Variants in SAMD9L observed in about 807,000 individuals in gnomAD.
The protein encoded by SAMD9L is sterile alpha motif domain-containing protein 9-like.
In SAMD9L, 68 loss-of-function variants were observed where a neutral mutation model predicts 90.7. That is an observed-to-expected ratio of 0.75 (90% CI 0.62 to 0.92). The LOEUF is 0.92. Ranked by LOEUF, SAMD9L falls within the 40% of genes least tolerant of loss-of-function variation. The pLI is 0.00. For missense variants in SAMD9L, 1,604 were observed against 1,824.3 expected (o/e 0.88, Z 2.20); for synonymous variants, 640 against 630.1 (o/e 1.02, Z -0.23).
intron 4 of SAMD9L, among the ~76,000 whole-genome samples, chr7:93,138,029 A>G (rs752944600): frequency 3.9e-5 from 6 of 152,162 alleles, no homozygotes; most frequent in Non-Finnish European, 8.8e-5. Context: ...TTGCCTTGGT[A>G]AAACTGTTCC....
At chr7:93,141,795 T>C (rs536551608) in intron 4 of SAMD9L, among the ~76,000 whole-genome samples, 2 of 152,346 alleles carry the variant, frequency 1.3e-5, no homozygotes, top group African/African-American at 4.8e-5. Context: ...AACCTGGTCC[T>C]GTTCAAAAGT....
rs1359810098 is a variant in SAMD9L at position 93,131,667 on chromosome 7, C to T, written c.4305G>A (p.Trp1435Ter). 2 of 1,613,756 alleles carry T rather than the reference C, an allele frequency of 1.2e-6. No individual in the cohort carries two copies. The highest frequency in any genetic ancestry group is 1.7e-6 in the Non-Finnish European group (2 of 1,179,840). Residue 1435 changes from tryptophan (W) to a stop codon, truncating the protein, a stop_gained, in exon 5 of 5, where the codon TGG (tryptophan) becomes TGA (stop). Coordinates refer to ENST00000318238, the MANE Select transcript of SAMD9L (RefSeq NM_152703.5). LOFTEE classifies it high-confidence loss of function. Reference protein sequence around the residue: ...GPYFLACLLFWPENQELDQDS... With the variant: ...GPYFLACLLF ...CTTGATCTAGCTCTTGATTTTCTGG[C>T]CAGAACAGGAGGCAGGCCAAGAAAT...
Position 93,135,246 on chromosome 7 carries a change from C to T in SAMD9L, c.726G>A (p.Lys242=). 1 of 1,614,080 alleles carries T rather than the reference C, an allele frequency of 6.2e-7. No individual in the cohort carries two copies. The part of the protein sequence containing the change: ...RTNGTIHFGV[K]DKPHGEIVGV... ...CAACAATTTCTCCATGGGGTTTGTC[C>T]TTGACTCCAAAATGGATGGTGCCAT... Residue 242 remains lysine (K), a synonymous_variant, in exon 5 of 5, where the codon AAG becomes AAA. Transcript: ENST00000318238.
At position 93,131,722 on chromosome 7, in the gene SAMD9L, A is replaced by G. The variant is rs1053884747; in HGVS notation, c.4250T>C (p.Val1417Ala). 6.2e-7 allele frequency: 1 copy of G among 1,613,976 alleles called. No homozygotes were observed. Among genetic ancestry groups the G allele is most frequent in the Non-Finnish European group, 8.5e-7 (1 of 1,179,880 alleles). ...ACCTGGATATTGATGACTTAGTCCTACAAATTGCAAGACCTCTCGGAGTTG... is the reference window on the plus strand; with the variant it reads ...ACCTGGATATTGATGACTTAGTCCTGCAAATTGCAAGACCTCTCGGAGTTG... Reference protein sequence around the residue: ...KKQLREVLQFVGLSHQYPGPY... With the variant: ...KKQLREVLQFAGLSHQYPGPY... The change falls in exon 5 of 5, where the codon GTA (valine) becomes GCA (alanine). Residue 1417 changes from valine to alanine, a missense_variant. Physicochemically the swap from Val to Ala is moderately conservative, Grantham distance 64. Around this residue, in one of 7 missense-constraint regions of SAMD9L, gnomAD observed 282 missense variants for 329.6 expected, o/e 0.86. Transcript: ENST00000318238.
chr7:93,132,771 A>C lies in SAMD9L; in HGVS notation c.3201T>G (p.Ile1067Met), dbSNP rs760367395. 9 of 1,613,594 alleles carry C rather than the reference A, an allele frequency of 5.6e-6. No homozygotes were observed. The African/African-American group carries it at 6.7e-5, about 12-fold the overall frequency. Residue 1067 changes from isoleucine (I) to methionine (M), a missense_variant, in exon 5 of 5, where the codon ATT becomes ATG. Physicochemically the swap from Ile to Met is conservative, Grantham distance 10. Around this residue, in one of 7 missense-constraint regions of SAMD9L, gnomAD observed 302 missense variants for 314.7 expected, o/e 0.96. Transcript: ENST00000318238. ...TACTTCCTGCACTCAAGACCTTTTC[A>C]ATGTCTTTATTCTGTAAAGCTTCCA... Reference protein sequence around the residue: ...PLMEALQNKDIEKVLSAGSRR... With the variant: ...PLMEALQNKDMEKVLSAGSRR...
Position 93,133,549 on chromosome 7 carries a change from T to A in SAMD9L, c.2423A>T (p.Gln808Leu). ...VLLLVDDFEE[Q>L]ENVYFLQNAI... ...ATTTTGTAGAAAGTAGACATTTTCT[T>A]GTTCTTCAAAATCATCCACAAGGAG... The change falls in exon 5 of 5, where the codon CAA (glutamine) becomes CTA (leucine). Residue 808 changes from glutamine (Q) to leucine (L), a missense_variant. By Grantham distance (113) the Gln-to-Leu change is moderately radical. Transcript: ENST00000318238. 1 of 1,613,826 alleles carries A rather than the reference T, an allele frequency of 6.2e-7. No homozygotes were observed. The highest frequency in any genetic ancestry group is 8.5e-7 in the Non-Finnish European group (1 of 1,179,844).
Position 93,132,780 on chromosome 7 carries a change from A to C in SAMD9L, c.3192T>G (p.Asn1064Lys), listed in dbSNP as rs753696406. The change falls in exon 5 of 5, where the codon AAT becomes AAG. Residue 1064 changes from asparagine (N) to lysine (K), a missense_variant. Around this residue, in one of 7 missense-constraint regions of SAMD9L, gnomAD observed 302 missense variants for 314.7 expected, o/e 0.96. Coordinates refer to ENST00000318238, the MANE Select transcript of SAMD9L (RefSeq NM_152703.5). ...LFSPLMEALQ[N>K]KDIEKVLSAG... is the part of the protein sequence containing the mutation. ...CACTCAAGACCTTTTCAATGTCTTT[A>C]TTCTGTAAAGCTTCCATTAATGGGG... 9.3e-6 allele frequency: 15 copies of C among 1,613,606 alleles called. No individual in the cohort carries two copies. Among genetic ancestry groups the C allele is most frequent in the Non-Finnish European group, 1.3e-5 (15 of 1,179,780 alleles).
rs1792859584 is a variant in SAMD9L at position 93,145,608 on chromosome 7, A to G, written c.-346T>C. 2 of 152,218 alleles carry G rather than the reference A, an allele frequency of 1.3e-5. No individual in the cohort carries two copies. The highest frequency in any genetic ancestry group is 2.4e-5 in the African/African-American group (1 of 41,450). 9.4% of individuals were successfully genotyped at this position (152,218 alleles called of 1,614,324 possible). On this transcript the variant is annotated 5_prime_UTR_variant, in exon 3 of 5. Coordinates refer to ENST00000318238, the MANE Select transcript of SAMD9L (RefSeq NM_152703.5). ...TGTTGAGAACGTATTGCATAAAACA[A>G]TGATATCACAACCAATTAAAATGCA...
At position 93,131,210 on chromosome 7, in the gene SAMD9L, T is replaced by C. The variant is rs763591562; in HGVS notation, c.*7A>G. 5.6e-6 allele frequency: 8 copies of C among 1,424,848 alleles called. No individual in the cohort carries two copies. Among genetic ancestry groups the C allele is most frequent in the Admixed American group, 2.3e-5 (1 of 44,370 alleles). 88.3% of individuals were successfully genotyped at this position (1,424,848 alleles called of 1,614,324 possible). A position where few individuals can be genotyped will look rare whatever the true frequency, so the allele number is the denominator to read the frequency against. On this transcript the variant is annotated 3_prime_UTR_variant, in exon 5 of 5. Coordinates refer to ENST00000318238, the MANE Select transcript of SAMD9L (RefSeq NM_152703.5). ...AAACGTATTTGAACTACAGGTGATG[T>C]ATTGTCTTAAATTACTTCTATATCA...
intron 4 of SAMD9L, among the ~76,000 whole-genome samples, chr7:93,142,364 A>G (rs1792726276): frequency 6.6e-6 from 1 of 152,198 alleles, no homozygotes; most frequent in South Asian, 2.1e-4. Context: ...ATATTTGTTG[A>G]ATGAGGAAAT....
chr7:93,134,197 T>A lies in SAMD9L; in HGVS notation c.1775A>T (p.Asp592Val). 6.2e-7 allele frequency: 1 copy of A among 1,613,326 alleles called. No individual in the cohort carries two copies. The highest frequency in any genetic ancestry group is 8.5e-7 in the Non-Finnish European group (1 of 1,179,526). Residue 592 changes from aspartate to valine, a missense_variant, in exon 5 of 5, where the codon GAT becomes GTT. Asp to Val is a radical substitution (Grantham distance 152, BLOSUM62 -3). Around this residue, in one of 7 missense-constraint regions of SAMD9L, gnomAD observed 606 missense variants for 717.6 expected, o/e 0.84. Coordinates refer to ENST00000318238, the MANE Select transcript of SAMD9L (RefSeq NM_152703.5). ...CATCTTCATTCTTGTTTGTAGTAGA[T>A]CTTTCCATCGTTGATAAATATGTGA... ...VNSHIYQRWK[D>V]LLQTRMKMED...
In SAMD9L at chr7:93,135,096, G is replaced by C; in HGVS notation, c.876C>G (p.Val292=). ...CAGATGGTGTATTGTTCTGCAGAAG[G>C]ACTTCCACAAACCTTGGCTCCCGAA... is the stretch of plus-strand genomic sequence containing the variant. The part of the protein sequence containing the change: ...KCIREPRFVE[V]LLQNNTPSDR... Residue 292 remains valine (V), a synonymous_variant, in exon 5 of 5, where the codon GTC becomes GTG. Coordinates refer to ENST00000318238, the MANE Select transcript of SAMD9L (RefSeq NM_152703.5). 1 of 1,612,614 alleles carries C rather than the reference G, an allele frequency of 6.2e-7. No individual in the cohort carries two copies. The highest frequency in any genetic ancestry group is 8.5e-7 in the Non-Finnish European group (1 of 1,179,872).
intron 4 of SAMD9L, among the ~76,000 whole-genome samples, chr7:93,139,954 T>G (rs978098869): frequency 3.3e-5 from 5 of 152,242 alleles, no homozygotes; most frequent in African/African-American, 9.6e-5. Flanking sequence ...TTAATATTTC[T>G]TTGATTATTC....
intron 4 of SAMD9L, among the ~76,000 whole-genome samples, chr7:93,136,841 G>A (rs752997702): frequency 3.3e-5 from 5 of 152,104 alleles, no homozygotes; most frequent in Non-Finnish European, 7.4e-5. Context: ...AGGGAGTGAG[G>A]GTGGTGTTTT....
Position 93,135,863 on chromosome 7 carries a change from G to A in SAMD9L, c.109C>T (p.Leu37=), listed in dbSNP as rs1792427848. Residue 37 remains leucine, a synonymous_variant, in exon 5 of 5, where the codon CTG becomes TTG. Coordinates refer to ENST00000318238, the MANE Select transcript of SAMD9L (RefSeq NM_152703.5). ...AATCCTGTTACTTCTTCACTGAGCAGAATTTGCCCGTATTGCTCATTAATC... is the reference window on the plus strand; with the variant it reads ...AATCCTGTTACTTCTTCACTGAGCAAAATTTGCCCGTATTGCTCATTAATC... ...LKINEQYGQI[L]LSEEVTGLVL... The A allele has an allele frequency of 1.2e-6, 2 of 1,613,988 alleles. No homozygotes were observed. The highest frequency in any genetic ancestry group is 2.7e-5 in the African/African-American group (2 of 75,018).
At chr7:93,139,944 T>G (rs1234000460) in intron 4 of SAMD9L, among the ~76,000 whole-genome samples, 1 of 152,210 alleles carries the variant, frequency 6.6e-6, no homozygotes, top group African/African-American at 2.4e-5. Flanking sequence ...TTTTACTGAC[T>G]TAATATTTCT....
At chr7:93,139,327 G>T (rs1584291657) in intron 4 of SAMD9L, among the ~76,000 whole-genome samples, 1 of 152,088 alleles carries the variant, frequency 6.6e-6, no homozygotes, top group East Asian at 1.9e-4. Context: ...CAAAGTTCAG[G>T]CACTGAAGTC....
Position 93,131,542 on chromosome 7 carries a change from T to G in SAMD9L, c.4430A>C (p.Tyr1477Ser), listed in dbSNP as rs1210783977. Residue 1477 changes from tyrosine (Y) to serine (S), a missense_variant, in exon 5 of 5, where the codon TAT becomes TCT. Transcript: ENST00000318238. ...GTTTAGACCCTTCCTTTTGCCCAGA[T>G]AGAAAAGTGTGCTTGCCTGCTTGGA... ...CRSKQASTLFYLGKRKGLNSI... is the reference protein window; with the variant it reads ...CRSKQASTLFSLGKRKGLNSI... The G allele has an allele frequency of 3.7e-6, 6 of 1,613,894 alleles. No individual in the cohort carries two copies. The African/African-American group carries it at 4.0e-5, about 11-fold the overall frequency.
Position 93,132,474 on chromosome 7 carries a change from G to A in SAMD9L, c.3498C>T (p.Ser1166=), listed in dbSNP as rs1206743101. Residue 1166 remains serine, a synonymous_variant, in exon 5 of 5, where the codon TCC becomes TCT. Coordinates refer to ENST00000318238, the MANE Select transcript of SAMD9L (RefSeq NM_152703.5). The stretch of plus-strand genomic sequence containing the variant: ...AGTTTTTACTATCAGTTTGCCTTTG[G>A]GATTCTTTGAAAGCTCTTGAGGCTT... ...AEKASRAFKE[S]QRQTDSKNYE... 6.2e-7 allele frequency: 1 copy of A among 1,613,622 alleles called. No homozygotes were observed. Among genetic ancestry groups the A allele is most frequent in the Admixed American group, 1.7e-5 (1 of 59,956 alleles).
Sources: allele counts gnomAD v4.1 joint callset (sites outside exome capture counted in the v4.1 genomes callset), GRCh38; gene constraint gnomAD v4.1.1; regional missense constraint gnomAD v4.1.1; transcripts MANE v1.5; gene names NCBI Gene and HGNC (gene_info 2026-07-23, HGNC 2026-07-21).